Variants in MYCT1 observed in about 807,000 individuals in gnomAD.
The protein encoded by MYCT1 is myc target protein 1.
MYCT1 carries 12 observed loss-of-function variants against 15.0 expected under a neutral mutation model. The observed-to-expected ratio is 0.80, with a 90% confidence interval of 0.51 to 1.29. The LOEUF (loss-of-function observed/expected upper bound fraction) is 1.29, where lower values mean the gene tolerates loss of function less well. Among genes scored for constraint, MYCT1 ranks in the 50% most tolerant of loss-of-function variants. MYCT1 has a pLI of 0.00. For synonymous variants in MYCT1, 104 were observed against 102.7 expected (o/e 1.01, Z -0.07); for missense variants, 287 against 279.1 (o/e 1.03, Z -0.20).
the MYCT1 span, among the ~76,000 whole-genome samples, chr6:152,745,248 G>C: frequency 1.8e-4 from 28 of 152,146 alleles, no homozygotes; most frequent in Non-Finnish European, 2.9e-4. Context: ...AAGTAATGGT[G>C]AGTATATATT....
chr6:152,698,242 T>C, intron 1 of MYCT1, 144 bp downstream of exon 1: 1 of 381,826 alleles, frequency 2.6e-6, no homozygotes, highest in Non-Finnish European at 4.7e-6. Flanking sequence ...TTAACAGAAA[T>C]CTATTTCATA....
At position 152,721,888 on chromosome 6, in the gene MYCT1, T is replaced by C. The variant is rs1307670694; in HGVS notation, c.343T>C (p.Ser115Pro). ...GAGTTCAAGCAGGAGATCTAGGTCT[T>C]CTTACACCCACGGCCTCAACAGAAC... ...QWSSSRRSRS[S>P]YTHGLNRTGF... Residue 115 changes from serine to proline, a missense_variant, in exon 2 of 2, where the codon TCT becomes CCT. Ser to Pro is a moderately conservative substitution (Grantham distance 74). Transcript: ENST00000367245. The C allele has an allele frequency of 6.2e-7, 1 of 1,614,046 alleles. No homozygotes were observed. Among genetic ancestry groups the C allele is most frequent in the Non-Finnish European group, 8.5e-7 (1 of 1,179,976 alleles).
intron 1 of MYCT1, among the ~76,000 whole-genome samples, chr6:152,698,814 G>A (rs2099720856): frequency 6.6e-6 from 1 of 152,164 alleles, no homozygotes; most frequent in African/African-American, 2.4e-5. Context: ...ATTTTTTGGA[G>A]AATTTTTTGT....
At chr6:152,726,258 G>A (rs189155492), downstream of MYCT1, among the ~76,000 whole-genome samples, 26 of 152,210 alleles carry the variant, frequency 1.7e-4, no homozygotes, top group Non-Finnish European at 3.5e-4. Context: ...TAGCCAGGCC[G>A]TGGTGGCACA....
chr6:152,730,379 G>A, the MYCT1 span, among the ~76,000 whole-genome samples: 137 of 152,264 alleles, frequency 9.0e-4, 3 homozygotes, highest in African/African-American at 3.1e-3. Flanking sequence ...CATGCTCCCC[G>A]GTGGATTGAA....
chr6:152,728,642 TC>T (rs2099726060), downstream of MYCT1, among the ~76,000 whole-genome samples: 1 of 152,180 alleles, frequency 6.6e-6, no homozygotes, highest in South Asian at 2.1e-4. Context: ...ATGCCTGTAA[TC>T]CCAGTACTTT....
Position 152,722,063 on chromosome 6 carries a change from G to A in MYCT1, c.518G>A (p.Cys173Tyr). 2.5e-6 allele frequency: 4 copies of A among 1,614,030 alleles called. No individual in the cohort carries two copies. The highest frequency in any genetic ancestry group is 3.4e-6 in the Non-Finnish European group (4 of 1,180,008). Residue 173 changes from cysteine (C) to tyrosine (Y), a missense_variant, in exon 2 of 2, where the codon TGT becomes TAT. Coordinates refer to ENST00000367245, the MANE Select transcript of MYCT1 (RefSeq NM_025107.3). ...RASTFHPFLQ[C>Y]PPLPVETESQ... ...TCTACTTTCCATCCCTTTCTGCAAT[G>A]TCCACCACTTCCTGTGGAAACTGAG...
At chr6:152,719,973 C>T (rs919819980) in intron 1 of MYCT1, among the ~76,000 whole-genome samples, 1 of 152,164 alleles carries the variant, frequency 6.6e-6, no homozygotes, top group Non-Finnish European at 1.5e-5. Context: ...CACCCCCAAA[C>T]ATAGTAGCTT....
the MYCT1 span, among the ~76,000 whole-genome samples, chr6:152,729,694 C>T: frequency 2.0e-5 from 3 of 152,120 alleles, no homozygotes; most frequent in Non-Finnish European, 2.9e-5. Context: ...CTGCAGACTC[C>T]CCCTGCTTTA....
chr6:152,699,892 T>C (rs1045655698), intron 1 of MYCT1, among the ~76,000 whole-genome samples: 2 of 152,154 alleles, frequency 1.3e-5, no homozygotes, highest in African/African-American at 4.8e-5. Flanking sequence ...AATTAAAACC[T>C]GTTATTTCAA....
the MYCT1 span, among the ~76,000 whole-genome samples, chr6:152,734,347 G>C: frequency 1.1e-3 from 172 of 152,314 alleles, 1 homozygote; most frequent in African/African-American, 3.9e-3. Flanking sequence ...TTCTGGTTAA[G>C]CGCAAAACTT....
At chr6:152,734,681 A>G in the MYCT1 span, among the ~76,000 whole-genome samples, 1 of 151,988 alleles carries the variant, frequency 6.6e-6, no homozygotes, top group Admixed American at 6.6e-5. Context: ...TTTTTTTAGG[A>G]AAATGTTTCA....
At chr6:152,721,522 G>A (rs7775522) in intron 1 of MYCT1, among the ~76,000 whole-genome samples, 12,544 of 152,044 alleles carry the variant, frequency 0.083, 881 homozygotes, top group African/African-American at 0.18. Flanking sequence ...CTGGAATGCC[G>A]CAGCTGAAAG....
the MYCT1 span, among the ~76,000 whole-genome samples, chr6:152,740,682 C>T: frequency 2.0e-5 from 3 of 152,124 alleles, no homozygotes; most frequent in Non-Finnish European, 4.4e-5. Flanking sequence ...AAGTACACAT[C>T]TCCCAGATGA....
the MYCT1 span, among the ~76,000 whole-genome samples, chr6:152,731,242 G>GAA: frequency 1.7e-4 from 26 of 150,674 alleles, 1 homozygote; most frequent in South Asian, 5.4e-3. Flanking sequence ...CGGGCAAGAT[G>GAA]AAATATGTGA....
At chr6:152,746,886 C>T in the MYCT1 span, among the ~76,000 whole-genome samples, 2 of 152,082 alleles carry the variant, frequency 1.3e-5, no homozygotes, top group African/African-American at 4.8e-5. Flanking sequence ...GGACAGATAA[C>T]GAGGTTTTGG....
the MYCT1 span, among the ~76,000 whole-genome samples, chr6:152,744,492 G>A: frequency 1.3e-5 from 2 of 152,136 alleles, no homozygotes; most frequent in African/African-American, 4.8e-5. Context: ...GTAGAATTGA[G>A]GAGAGTTTAA....
At chr6:152,734,551 T>C in the MYCT1 span, among the ~76,000 whole-genome samples, 1 of 152,174 alleles carries the variant, frequency 6.6e-6, no homozygotes, top group Admixed American at 6.5e-5. Context: ...CTGCGTGCAG[T>C]GACTCATTTG....
chr6:152,724,211 T>C lies in MYCT1; in HGVS notation c.*1958T>C, dbSNP rs557083764. 2.7e-5 allele frequency: 4 copies of C among 150,460 alleles called. No individual in the cohort carries two copies. Among genetic ancestry groups the C allele is most frequent in the East Asian group, 3.9e-4 (2 of 5,134 alleles). The allele number at this position is 150,460 out of a possible 1,614,324, so 9.3% of individuals were successfully genotyped here. A position where few individuals can be genotyped will look rare whatever the true frequency, so the allele number is the denominator to read the frequency against. On this transcript the variant is annotated 3_prime_UTR_variant, in exon 2 of 2. Coordinates refer to ENST00000367245, the MANE Select transcript of MYCT1 (RefSeq NM_025107.3). ...GCAGCCAAGTAAGGTTTCAAGGGAA[T>C]ATTAACTTGGTATCAGGGCTACTTT...
Sources: allele counts gnomAD v4.1 joint callset (sites outside exome capture counted in the v4.1 genomes callset), GRCh38; gene constraint gnomAD v4.1.1; transcripts MANE v1.5; gene names NCBI Gene and HGNC (gene_info 2026-07-23, HGNC 2026-07-21).